Variants in WARS1 observed in about 807,000 individuals in gnomAD.
WARS1 encodes tryptophanyl-tRNA synthetase 1, also known as tryptophan--tRNA ligase, cytoplasmic.
Under a neutral mutation model 47.8 loss-of-function variants are expected in WARS1, and 17 were observed. That is an observed-to-expected ratio of 0.36 (90% confidence interval 0.24 to 0.53). The LOEUF is 0.53. Ranked by LOEUF, WARS1 falls within the 20% of genes least tolerant of loss-of-function variation. WARS1 has a pLI of 0.91. For synonymous variants in WARS1, 208 were observed against 228.1 expected (o/e 0.91, Z 0.79); for missense variants, 434 against 608.0 (o/e 0.71, Z 3.01).
chr14:100,371,437 G>C (rs1340366319), intron 1 of WARS1, among the ~76,000 whole-genome samples: 2 of 69,414 alleles, frequency 2.9e-5, no homozygotes, highest in Non-Finnish European at 8.2e-5. Context: ...GTGACAGAAA[G>C]GTTCTGTCTC....
chr14:100,349,064 T>A (rs1328802386), intron 6 of WARS1, among the ~76,000 whole-genome samples: 1 of 152,164 alleles, frequency 6.6e-6, no homozygotes, highest in Non-Finnish European at 1.5e-5. Flanking sequence ...CCTAACTGTA[T>A]ATCACATGTG....
At chr14:100,357,613 C>G (rs1197286137) in intron 4 of WARS1, among the ~76,000 whole-genome samples, 1 of 152,030 alleles carries the variant, frequency 6.6e-6, no homozygotes, top group Non-Finnish European at 1.5e-5. Flanking sequence ...AGGCGCCCAC[C>G]ACCATGCCTG....
intron 1 of WARS1, chr14:100,374,680 G>C (rs943260680): frequency 2.0e-5 from 3 of 152,234 alleles, no homozygotes; most frequent in African/African-American, 7.2e-5. Context: ...GGTGAGAAGA[G>C]AATGTGGCCC....
At chr14:100,355,200 T>G (rs552231706) in intron 4 of WARS1, among the ~76,000 whole-genome samples, 1 of 152,200 alleles carries the variant, frequency 6.6e-6, no homozygotes, top group African/African-American at 2.4e-5. Context: ...AGGTGCTCTC[T>G]GGGAATGTGT....
At chr14:100,348,287 C>G (rs1243157771) in intron 6 of WARS1, among the ~76,000 whole-genome samples, 1 of 152,184 alleles carries the variant, frequency 6.6e-6, no homozygotes, top group African/African-American at 2.4e-5. Context: ...GTCAGGAGTG[C>G]AGGAACACTG....
chr14:100,347,160 A>G (rs1323874100), intron 6 of WARS1, among the ~76,000 whole-genome samples: 2 of 152,270 alleles, frequency 1.3e-5, no homozygotes, highest in Non-Finnish European at 2.9e-5. Flanking sequence ...GCTAGCATGA[A>G]AAATTTAAAT....
chr14:100,343,312 G>A lies in WARS1; in HGVS notation c.902C>T (p.Thr301Met), dbSNP rs1287365395. ...NSFPQIFRDRTDIQCLIPCAI... is the reference protein window; with the variant it reads ...NSFPQIFRDRMDIQCLIPCAI... ...ACATGGGATAAGGCACTGGATATCC[G>A]TCCTGTCTCGGAAGATCTGTGGGAA... Residue 301 changes from threonine to methionine, a missense_variant, in exon 8 of 11, where the codon ACG becomes ATG. Physicochemically the swap from Thr to Met is moderately conservative, Grantham distance 81 (BLOSUM62 -1). This residue lies in a region of WARS1 where 347 missense variants were observed against 523.8 expected (regional missense o/e 0.66). Transcript: ENST00000392882. 1.1e-5 allele frequency: 17 copies of A among 1,612,966 alleles called. No individual in the cohort carries two copies. Among genetic ancestry groups the A allele is most frequent in the African/African-American group, 1.3e-5 (1 of 74,892 alleles).
chr14:100,335,443 T>TCTCAG (rs1448810140), intron 10 of WARS1, among the ~76,000 whole-genome samples: 1 of 151,926 alleles, frequency 6.6e-6, no homozygotes, highest in Non-Finnish European at 1.5e-5. Flanking sequence ...AGTGGCATGA[T>TCTCAG]CTCAGCTCAC....
chr14:100,344,844 C>T (rs1359618204), intron 7 of WARS1, among the ~76,000 whole-genome samples: 19 of 150,980 alleles, frequency 1.3e-4, no homozygotes, highest in Non-Finnish European at 2.2e-4. Context: ...ACCCTCCGCC[C>T]GGCAACCGCC....
chr14:100,362,509 T>A (rs1009738049), intron 2 of WARS1, among the ~76,000 whole-genome samples: 4 of 152,030 alleles, frequency 2.6e-5, no homozygotes, highest in African/African-American at 9.7e-5. Context: ...ATCATCACAT[T>A]TTGGAGTCTT....
At chr14:100,370,674 T>C (rs1428069305) in intron 1 of WARS1, 1 of 152,084 alleles carries the variant, frequency 6.6e-6, no homozygotes, top group Non-Finnish European at 1.5e-5. Flanking sequence ...CTCCATTTTA[T>C]AGATGAGGCA....
intron 6 of WARS1, among the ~76,000 whole-genome samples, chr14:100,352,108 CTT>C (rs1172421175): frequency 1.1e-5 from 1 of 94,250 alleles, no homozygotes; most frequent in African/African-American, 3.9e-5. Flanking sequence ...CAGTTTCTTT[CTT>C]TTTTTTTTTT....
intron 2 of WARS1, among the ~76,000 whole-genome samples, chr14:100,364,228 TTTC>T (rs1895821495): frequency 6.6e-6 from 1 of 152,260 alleles, no homozygotes; most frequent in African/African-American, 2.4e-5. Context: ...CTCTGCTCTC[TTTC>T]TTAATACCTA....
chr14:100,374,113 G>T (rs1231022798), intron 1 of WARS1: 2 of 152,172 alleles, frequency 1.3e-5, no homozygotes, highest in Non-Finnish European at 2.9e-5. Context: ...ACATGGTTTT[G>T]AGCAGTCTCC....
chr14:100,345,014 C>T (rs1480304259), intron 7 of WARS1, among the ~76,000 whole-genome samples: 31 of 151,370 alleles, frequency 2.0e-4, no homozygotes, highest in African/African-American at 7.0e-4. Flanking sequence ...GGTCAGCCCC[C>T]CGCCCGGCCA....
At chr14:100,349,573 C>A (rs1010356103) in intron 6 of WARS1, among the ~76,000 whole-genome samples, 10 of 152,222 alleles carry the variant, frequency 6.6e-5, no homozygotes, top group Non-Finnish European at 1.0e-4. Flanking sequence ...TGCTGCCCCC[C>A]ACTAGCACCC....
intron 4 of WARS1, among the ~76,000 whole-genome samples, chr14:100,355,207 GTGTTTGTT>G (rs1053932688): frequency 6.6e-6 from 1 of 152,030 alleles, no homozygotes; most frequent in Non-Finnish European, 1.5e-5. Flanking sequence ...CTCTGGGAAT[GTGTTTGTT>G]TGTTTGTTTA....
intron 7 of WARS1, 41 bp from the exon 8 acceptor site, chr14:100,343,428 C>G: frequency 6.9e-7 from 1 of 1,458,122 alleles, no homozygotes; most frequent in Non-Finnish European, 9.5e-7. Context: ...GAGATGAGTT[C>G]CTGTTCTGCT....
chr14:100,359,431 TACATG>T (rs1404983448), intron 4 of WARS1, among the ~76,000 whole-genome samples: 4 of 152,226 alleles, frequency 2.6e-5, no homozygotes, highest in Admixed American at 2.6e-4. Context: ...GGCCACATGT[TACATG>T]ATCCCATTTA....
Sources: gnomAD v4.1 joint callset for allele counts (sites outside exome capture counted in the v4.1 genomes callset) on GRCh38, gnomAD v4.1.1 for gene constraint, gnomAD v4.1.1 regional missense constraint, MANE v1.5 for transcripts, NCBI Gene and HGNC (gene_info 2026-07-23, HGNC 2026-07-21) for gene names.